Variants in ELP1 observed in about 807,000 individuals in gnomAD.
ELP1 encodes elongator complex protein 1.
In ELP1, 131 loss-of-function variants were observed where a neutral mutation model predicts 183.2. The observed-to-expected ratio is 0.72, with a 90% CI of 0.62 to 0.83. ELP1 has a LOEUF of 0.83. ELP1 is among the 40% of genes least tolerant of loss of function. The pLI is 0.00. For missense variants in ELP1, 1,550 were observed against 1,594.9 expected, an observed-to-expected ratio of 0.97 and a Z score of 0.48; for synonymous variants, 555 against 569.0, an observed-to-expected ratio of 0.98 and a Z score of 0.35.
chr9:108,897,076 T>C (rs1316688251), intron 23 of ELP1, 38 bp from the exon 24 acceptor site: 3 of 1,613,360 alleles, frequency 1.9e-6, no homozygotes, highest in Non-Finnish European at 2.5e-6. Flanking sequence ...ATGAGAAAGG[T>C]AAGTAGGCTG....
intron 12 of ELP1, among the ~76,000 whole-genome samples, chr9:108,910,669 T>A (rs1587906732): frequency 6.6e-6 from 1 of 152,162 alleles, no homozygotes; most frequent in South Asian, 2.1e-4. Flanking sequence ...CTAGGAGGGA[T>A]GAGATCAACT....
At chr9:108,888,278 G>A (rs1401233203) in intron 29 of ELP1, among the ~76,000 whole-genome samples, 1 of 152,178 alleles carries the variant, frequency 6.6e-6, no homozygotes, top group African/African-American at 2.4e-5. Flanking sequence ...GGGGAAGTAG[G>A]GAACTTTTGG....
chr9:108,905,949 C>G (rs969202159), intron 14 of ELP1, among the ~76,000 whole-genome samples: 2 of 151,838 alleles, frequency 1.3e-5, no homozygotes, highest in Non-Finnish European at 2.9e-5. Flanking sequence ...TCACATTAGC[C>G]CATGAGAATT....
At chr9:108,904,418 G>A (rs1828944012) in intron 14 of ELP1, among the ~76,000 whole-genome samples, 1 of 151,908 alleles carries the variant, frequency 6.6e-6, no homozygotes, top group Non-Finnish European at 1.5e-5. Context: ...AAAAGAGGAG[G>A]AAGAGGTAGT....
At chr9:108,893,326 T>A (rs1325092781) in intron 26 of ELP1, among the ~76,000 whole-genome samples, 1 of 152,178 alleles carries the variant, frequency 6.6e-6, no homozygotes, top group Non-Finnish European at 1.5e-5. Context: ...TCCAGCCCAG[T>A]GTTTTCTCAG....
At position 108,880,115 on chromosome 9, in the gene ELP1, G is replaced by A. The variant is rs372499865; in HGVS notation, c.3397C>T (p.Arg1133Cys). ...FLDSQTATFSRHKKRLLVVRE... is the reference protein window; with the variant it reads ...FLDSQTATFSCHKKRLLVVRE... ...ACTACCAATAAACGTTTCTTGTGGC[G>A]ACTGAATGTGGCTGTCTGAGAGTCC... The change falls in exon 32 of 37, where the codon CGC (arginine) becomes TGC (cysteine). Residue 1133 changes from arginine (R) to cysteine (C), a missense_variant. Transcript: ENST00000374647. 2.7e-5 allele frequency: 43 copies of A among 1,614,000 alleles called. No individual in the cohort carries two copies. Among genetic ancestry groups the A allele is most frequent in the Non-Finnish European group, 3.4e-5 (40 of 1,179,996 alleles).
chr9:108,907,695 CTT>C (rs991055496), intron 13 of ELP1, among the ~76,000 whole-genome samples: 4 of 152,114 alleles, frequency 2.6e-5, no homozygotes, highest in African/African-American at 9.7e-5. Flanking sequence ...AACCTCTACA[CTT>C]TGTTTTTTTA....
chr9:108,897,302 A>G lies in ELP1; in HGVS notation c.2364-17T>C, dbSNP rs773381107. ...TCTTCTTCTCTAAGAACAGGTGTGT[A>G]TGGAATGGTCATCAACAGAACATGT... On this transcript the variant is annotated splice_polypyrimidine_tract_variant and intron_variant, in intron 22 of 36. Transcript: ENST00000374647. The G allele has an allele frequency of 1.6e-5, 26 of 1,613,794 alleles. No individual in the cohort carries two copies. Among genetic ancestry groups the G allele is most frequent in the Non-Finnish European group, 2.0e-5 (24 of 1,180,006 alleles).
At chr9:108,930,707 A>AAC (rs1554703758) in intron 2 of ELP1, among the ~76,000 whole-genome samples, 3 of 152,016 alleles carry the variant, frequency 2.0e-5, no homozygotes, top group African/African-American at 7.2e-5. Context: ...AAAAAAAAAA[A>AAC]AAACCACTCT....
At chr9:108,888,291 G>A (rs1415106510) in intron 29 of ELP1, among the ~76,000 whole-genome samples, 1 of 152,202 alleles carries the variant, frequency 6.6e-6, no homozygotes, top group Non-Finnish European at 1.5e-5. Context: ...ACTTTTGGGG[G>A]TGTTAGAAAT....
rs1317278515 is a variant in ELP1 at position 108,868,123 on chromosome 9, A to C, written c.*992T>G. On this transcript the variant is annotated 3_prime_UTR_variant, in exon 37 of 37. Transcript: ENST00000374647. Reference sequence around the variant, plus strand: ...TCCTTTGAAAGCTGGTTGTTGTTATAGAGACACAAATGGGCTAAGATACAC... The same window carrying C: ...TCCTTTGAAAGCTGGTTGTTGTTATCGAGACACAAATGGGCTAAGATACAC... 6.6e-6 allele frequency: 1 copy of C among 152,240 alleles called. No individual in the cohort carries two copies. 9.4% of individuals were successfully genotyped at this position (152,240 alleles called of 1,614,324 possible). A position where few individuals can be genotyped will look rare whatever the true frequency, so the allele number is the denominator to read the frequency against.
At chr9:108,889,526 C>T in intron 28 of ELP1, 133 bp from the exon 29 acceptor site, 1 of 787,680 alleles carries the variant, frequency 1.3e-6, no homozygotes, top group Admixed American at 2.0e-5. Context: ...GGTATATACA[C>T]CACAGAGTCC....
At chr9:108,909,427 GA>G (rs1398288086) in intron 12 of ELP1, among the ~76,000 whole-genome samples, 2 of 152,138 alleles carry the variant, frequency 1.3e-5, no homozygotes, top group Non-Finnish European at 2.9e-5. Flanking sequence ...CACCATCTTT[GA>G]AAACTTTGGC....
intron 24 of ELP1, 110 bp from the exon 25 acceptor site, chr9:108,896,754 C>T: frequency 8.9e-7 from 1 of 1,125,926 alleles, no homozygotes; most frequent in East Asian, 2.4e-5. Context: ...AACTGGACAT[C>T]AGAAGAATAT....
intron 36 of ELP1, among the ~76,000 whole-genome samples, 153 bp from the exon 37 acceptor site, chr9:108,869,335 TC>T (rs1827349638): frequency 6.6e-6 from 1 of 152,096 alleles, no homozygotes; most frequent in Non-Finnish European, 1.5e-5. Context: ...CCCTGCAACC[TC>T]CAGGTCAGAG....
chr9:108,917,418 G>A (rs1829478333), intron 9 of ELP1, 129 bp downstream of exon 9: 10 of 874,582 alleles, frequency 1.1e-5, no homozygotes, highest in Non-Finnish European at 1.4e-5. Flanking sequence ...AGTGAACCGA[G>A]ATTGCACTAT....
At chr9:108,913,551 C>A (rs1167066535) in intron 10 of ELP1, among the ~76,000 whole-genome samples, 1 of 152,070 alleles carries the variant, frequency 6.6e-6, no homozygotes, top group Non-Finnish European at 1.5e-5. Flanking sequence ...AGTCTCAAAC[C>A]GCATTATTAC....
At chr9:108,914,418 G>C (rs1210234470) in intron 10 of ELP1, among the ~76,000 whole-genome samples, 4 of 140,824 alleles carry the variant, frequency 2.8e-5, no homozygotes, top group Non-Finnish European at 4.6e-5. Context: ...AAAAAAGGGG[G>C]GGGGGGTTCT....
In ELP1 at chr9:108,896,729, A is replaced by T. The variant is rs1033174066; in HGVS notation, c.2588-85T>A. Reference sequence around the variant, plus strand: ...TAACAACATAACCAAAAAGACAATAAATTTTTCTCAATAGAACTGGACATC... The same window carrying T: ...TAACAACATAACCAAAAAGACAATATATTTTTCTCAATAGAACTGGACATC... On this transcript the variant is annotated intron_variant, in intron 24 of 36. Coordinates refer to ENST00000374647, the MANE Select transcript of ELP1 (RefSeq NM_003640.5). 10 of 1,325,174 alleles carry T rather than the reference A, an allele frequency of 7.5e-6. No homozygotes were observed. In the East Asian group the frequency reaches 1.4e-4, roughly 18 times the overall value. 82.1% of individuals were successfully genotyped at this position (1,325,174 alleles called of 1,614,324 possible).
Sources: allele counts gnomAD v4.1 joint callset (sites outside exome capture counted in the v4.1 genomes callset), GRCh38; gene constraint gnomAD v4.1.1; transcripts MANE v1.5; gene names NCBI Gene and HGNC (gene_info 2026-07-23, HGNC 2026-07-21).